BABAM2: variants seen among roughly 807,000 people sequenced by gnomAD.
BABAM2 encodes the protein BRISC and BRCA1 A complex member 2.
In BABAM2, 31 loss-of-function variants were observed where a neutral mutation model predicts 54.7. That is an observed-to-expected ratio of 0.57 (90% CI 0.43 to 0.77). The LOEUF (loss-of-function observed/expected upper bound fraction) is 0.77, where lower values mean the gene tolerates loss of function less well. Ranked by LOEUF, BABAM2 falls within the 30% of genes least tolerant of loss-of-function variation. BABAM2 has a pLI of 0.00. For synonymous variants in BABAM2, 167 were observed against 162.9 expected (o/e 1.03, Z -0.19); for missense variants, 364 against 455.8 (o/e 0.80, Z 1.83).
intron 6 of BABAM2, among the ~76,000 whole-genome samples, chr2:28,051,653 G>T (rs1007382392): frequency 1.4e-5 from 2 of 144,814 alleles, no homozygotes; most frequent in Admixed American, 6.9e-5. Flanking sequence ...GTCAAGGTGT[G>T]TTTTTTTTTT....
At chr2:28,152,814 C>T (rs1286928000) in intron 7 of BABAM2, among the ~76,000 whole-genome samples, 1 of 152,218 alleles carries the variant, frequency 6.6e-6, no homozygotes, top group Non-Finnish European at 1.5e-5. Context: ...TCATCGGCTA[C>T]TAGGCATTGA....
chr2:28,259,557 G>T (rs1157519166), intron 10 of BABAM2, among the ~76,000 whole-genome samples: 1 of 152,088 alleles, frequency 6.6e-6, no homozygotes, highest in African/African-American at 2.4e-5. Flanking sequence ...ATATTTAATT[G>T]TGTCTTTCAT....
chr2:27,921,205 G>T (rs573201253), intron 2 of BABAM2, among the ~76,000 whole-genome samples: 5 of 152,172 alleles, frequency 3.3e-5, no homozygotes, highest in African/African-American at 1.2e-4. Flanking sequence ...GTTACGGGGG[G>T]CTTGTTCCCT....
chr2:28,239,900 A>G (rs912783709), intron 8 of BABAM2, among the ~76,000 whole-genome samples: 2 of 152,162 alleles, frequency 1.3e-5, no homozygotes, highest in Non-Finnish European at 2.9e-5. Context: ...ATTCCCTTCC[A>G]TTGGAGGGGT....
At chr2:28,195,927 C>T (rs1432512267) in intron 7 of BABAM2, among the ~76,000 whole-genome samples, 2 of 152,186 alleles carry the variant, frequency 1.3e-5, no homozygotes, top group Non-Finnish European at 2.9e-5. Flanking sequence ...TTAATAGTGC[C>T]AGCAAGGTGG....
chr2:28,186,772 A>G (rs1007810968), intron 7 of BABAM2, among the ~76,000 whole-genome samples: 1 of 152,006 alleles, frequency 6.6e-6, no homozygotes, highest in Admixed American at 6.6e-5. Context: ...AGCCTGTACT[A>G]TCTATTGTAA....
intron 7 of BABAM2, among the ~76,000 whole-genome samples, chr2:28,133,517 A>G (rs1384521442): frequency 6.6e-6 from 1 of 152,216 alleles, no homozygotes. Context: ...GGAGAGGCTC[A>G]GGAGAGACCA....
chr2:28,291,002 G>C (rs1297015241), intron 10 of BABAM2, among the ~76,000 whole-genome samples: 1 of 152,130 alleles, frequency 6.6e-6, no homozygotes, highest in Admixed American at 6.5e-5. Context: ...ACTTAAAGAA[G>C]GGTGGTAGGG....
chr2:28,238,571 A>C (rs188358915), intron 8 of BABAM2, among the ~76,000 whole-genome samples: 62 of 152,168 alleles, frequency 4.1e-4, no homozygotes, highest in Non-Finnish European at 7.8e-4. Context: ...AAATCTAGCA[A>C]CTCCACCGTC....
intron 6 of BABAM2, among the ~76,000 whole-genome samples, chr2:28,117,209 A>G (rs1668688323): frequency 6.6e-6 from 1 of 152,218 alleles, no homozygotes; most frequent in African/African-American, 2.4e-5. Context: ...GTAAGGAGGC[A>G]TGCAGCTTAT....
At chr2:28,091,166 G>C (rs1327074995) in intron 6 of BABAM2, among the ~76,000 whole-genome samples, 3 of 152,052 alleles carry the variant, frequency 2.0e-5, no homozygotes, top group Admixed American at 6.5e-5. Context: ...TATCCATTAA[G>C]CCTTTTGTTT....
intron 7 of BABAM2, among the ~76,000 whole-genome samples, chr2:28,156,714 A>T (rs1046152607): frequency 6.6e-6 from 1 of 152,176 alleles, no homozygotes; most frequent in Non-Finnish European, 1.5e-5. Context: ...TCTACTCTCA[A>T]TGAAGCAGAC....
chr2:28,090,896 G>A (rs781275486), intron 6 of BABAM2, among the ~76,000 whole-genome samples: 18 of 152,064 alleles, frequency 1.2e-4, no homozygotes, highest in African/African-American at 3.6e-4. Context: ...CTGAAAATTA[G>A]GATACATTAT....
At chr2:28,115,724 G>A (rs557523771) in intron 6 of BABAM2, among the ~76,000 whole-genome samples, 51 of 152,156 alleles carry the variant, frequency 3.4e-4, no homozygotes, top group East Asian at 1.9e-4. Flanking sequence ...GGGAGAAGGC[G>A]TCCAGGATTG....
chr2:27,894,413 T>C (rs1573102054), intron 1 of BABAM2, 120 bp from the exon 2 acceptor site: 1 of 990,846 alleles, frequency 1.0e-6, no homozygotes, highest in East Asian at 2.5e-5. Context: ...GCGCTAGAGA[T>C]GGGAAATGAA....
intron 7 of BABAM2, among the ~76,000 whole-genome samples, chr2:28,134,836 C>T (rs1378304461): frequency 6.6e-6 from 1 of 152,130 alleles, no homozygotes; most frequent in East Asian, 1.9e-4. Context: ...TCCTTAATTT[C>T]CTCAAAGTAA....
chr2:28,241,497 G>T, intron 9 of BABAM2, 104 bp downstream of exon 9: 1 of 1,085,092 alleles, frequency 9.2e-7, no homozygotes, highest in Non-Finnish European at 1.4e-6. Flanking sequence ...TCTTACACAT[G>T]ATACCTTTTT....
At chr2:28,176,524 T>C (rs181511878) in intron 7 of BABAM2, among the ~76,000 whole-genome samples, 1,425 of 117,078 alleles carry the variant, frequency 0.012, 26 homozygotes, top group African/African-American at 0.044. Context: ...GAGCCGAGAT[T>C]GCACCACTGC....
At chr2:28,316,191 TGAG>T (rs1689537049) in intron 11 of BABAM2, among the ~76,000 whole-genome samples, 1 of 152,162 alleles carries the variant, frequency 6.6e-6, no homozygotes, top group Non-Finnish European at 1.5e-5. Flanking sequence ...CATCCTGTAT[TGAG>T]GAGCAGGTCA....
Sources: allele counts gnomAD v4.1 joint callset (sites outside exome capture counted in the v4.1 genomes callset), GRCh38; gene constraint gnomAD v4.1.1; transcripts MANE v1.5; gene names NCBI Gene and HGNC (gene_info 2026-07-23, HGNC 2026-07-21).